The following ZNF160 variants were observed in gnomAD, a reference collection of about 807,000 sequenced individuals.
ZNF160 encodes KRAB zinc finger protein KR18.
In ZNF160, 9 loss-of-function variants were observed where a neutral mutation model predicts 13.1. That is an observed-to-expected ratio of 0.69 (90% CI 0.41 to 1.20). The LOEUF is 1.20. Among genes scored for constraint, ZNF160 ranks in the 50% most tolerant of loss-of-function variants. ZNF160 has a pLI of 0.01. For synonymous variants in ZNF160, 293 were observed against 333.2 expected (o/e 0.88, Z 1.31); for missense variants, 838 against 988.0 (o/e 0.85, Z 2.04).
At chr19:53,087,253 G>A (rs2084871514) in intron 2 of ZNF160, among the ~76,000 whole-genome samples, 1 of 152,194 alleles carries the variant, frequency 6.6e-6, no homozygotes, top group African/African-American at 2.4e-5. Context: ...GGAAGGAGAT[G>A]GCGTCTGAGA....
intron 1 of ZNF160, among the ~76,000 whole-genome samples, chr19:53,094,268 C>A (rs1378978466): frequency 2.0e-5 from 3 of 152,110 alleles, no homozygotes; most frequent in Non-Finnish European, 4.4e-5. Context: ...CTTGAAACGC[C>A]CCTGGACCTA....
At chr19:53,089,794 T>G (rs1174714720) in intron 2 of ZNF160, among the ~76,000 whole-genome samples, 2 of 151,922 alleles carry the variant, frequency 1.3e-5, no homozygotes, top group Non-Finnish European at 2.9e-5. Context: ...TGTACATATC[T>G]CATCCTCACC....
intron 3 of ZNF160, among the ~76,000 whole-genome samples, chr19:53,083,319 G>A (rs1249398802): frequency 6.6e-6 from 1 of 152,170 alleles, no homozygotes; most frequent in African/African-American, 2.4e-5. Context: ...CCATCCTGAA[G>A]CTTGTTGGAG....
intron 5 of ZNF160, among the ~76,000 whole-genome samples, 193 bp downstream of exon 5, chr19:53,073,947 G>A (rs575354037): frequency 1.2e-4 from 18 of 152,108 alleles, no homozygotes; most frequent in Admixed American, 1.0e-3. Context: ...CACCATGCCC[G>A]GCTAATTTTT....
chr19:53,101,016 C>T (rs768942355), intron 1 of ZNF160, among the ~76,000 whole-genome samples: 2 of 151,992 alleles, frequency 1.3e-5, no homozygotes, highest in African/African-American at 4.8e-5. Context: ...CGGTGGCTCA[C>T]GCCTGTAATC....
intron 2 of ZNF160, among the ~76,000 whole-genome samples, chr19:53,089,937 TACA>T (rs1350645141): frequency 6.6e-6 from 1 of 151,996 alleles, no homozygotes; most frequent in East Asian, 1.9e-4. Context: ...GCTCCATTCC[TACA>T]ACTTCTTCCA....
chr19:53,080,179 A>G (rs1600848753), intron 3 of ZNF160, among the ~76,000 whole-genome samples: 1 of 151,290 alleles, frequency 6.6e-6, no homozygotes, highest in Non-Finnish European at 1.5e-5. Flanking sequence ...GCTCACCACA[A>G]CCTCTGCCTC....
chr19:53,072,806 G>A (rs113432454), intron 5 of ZNF160: 25,771 of 333,536 alleles, frequency 0.077, 1,250 homozygotes, highest in African/African-American at 0.16. Flanking sequence ...AGCCGAGATC[G>A]CACCATTGCA....
chr19:53,091,782 T>C (rs925297343), intron 1 of ZNF160, 62 bp from the exon 2 acceptor site: 10 of 152,252 alleles, frequency 6.6e-5, no homozygotes, highest in African/African-American at 2.4e-4. Context: ...AACTAGAATG[T>C]GAAATGCAAA....
intron 2 of ZNF160, among the ~76,000 whole-genome samples, chr19:53,088,072 G>C (rs1032809068): frequency 6.6e-6 from 1 of 152,326 alleles, no homozygotes; most frequent in Admixed American, 6.5e-5. Flanking sequence ...ACTGAGCCAT[G>C]AGCACTTGCA....
chr19:53,070,986 A>G (rs1346891307), intron 5 of ZNF160, among the ~76,000 whole-genome samples: 3 of 151,932 alleles, frequency 2.0e-5, no homozygotes, highest in East Asian at 4.0e-4. Context: ...TCATGAGGTC[A>G]GGAGATTGAG....
chr19:53,074,326 A>T, intron 4 of ZNF160, 58 bp from the exon 5 acceptor site: 2 of 1,599,890 alleles, frequency 1.3e-6, no homozygotes, highest in Non-Finnish European at 1.7e-6. Context: ...TCCCAGCCCT[A>T]TGTTTACATG....
chr19:53,074,994 G>A (rs557475628), intron 4 of ZNF160, 63 bp downstream of exon 4: 6 of 1,609,762 alleles, frequency 3.7e-6, no homozygotes, highest in Admixed American at 3.3e-5. Context: ...CCAGGGACTC[G>A]TAAGGGAAAA....
intron 3 of ZNF160, 200 bp from the exon 4 acceptor site, chr19:53,075,383 G>A (rs1017387838): frequency 2.3e-5 from 14 of 597,324 alleles, no homozygotes; most frequent in Admixed American, 1.6e-4. Flanking sequence ...TCAGTGGAGT[G>A]ATAAGTATCT....
chr19:53,074,829 T>C (rs2084323919), intron 4 of ZNF160, among the ~76,000 whole-genome samples: 2 of 152,084 alleles, frequency 1.3e-5, no homozygotes, highest in African/African-American at 2.4e-5. Context: ...CACAATGTAT[T>C]ATGCATACAA....
At chr19:53,099,496 G>A (rs1485620434) in intron 1 of ZNF160, among the ~76,000 whole-genome samples, 3 of 152,204 alleles carry the variant, frequency 2.0e-5, no homozygotes, top group Admixed American at 6.5e-5. Context: ...AACACGGGAA[G>A]CCGGTGGAGG....
chr19:53,074,292 C>T (rs1256590444), intron 4 of ZNF160, 24 bp from the exon 5 acceptor site: 2 of 1,612,472 alleles, frequency 1.2e-6, no homozygotes, highest in African/African-American at 1.3e-5. Flanking sequence ...GAAAGGATCA[C>T]AATGTGCCGG....
At chr19:53,098,154 C>A (rs1378564042) in intron 1 of ZNF160, among the ~76,000 whole-genome samples, 2 of 152,182 alleles carry the variant, frequency 1.3e-5, no homozygotes, top group East Asian at 1.9e-4. Context: ...ACCCCAAAAC[C>A]CACTTCCAGG....
In ZNF160 at chr19:53,084,858, T is replaced by C. The variant is rs535688466; in HGVS notation, c.15+1404A>G. The C allele has an allele frequency of 2.6e-5, 4 of 151,976 alleles. No homozygotes were observed. The South Asian group carries it at 6.2e-4, about 24-fold the overall frequency. The allele number at this position is 151,976 out of a possible 1,614,324, so 9.4% of individuals were successfully genotyped here. On this transcript the variant is annotated intron_variant, in intron 3 of 5. Transcript: ENST00000683776. ...ATCTAGCAACACAGGAAATGTGCCA[T>C]CCTAGAAGAGATCACTCTTCCAATC...
Sources: gnomAD v4.1 joint callset for allele counts (sites outside exome capture counted in the v4.1 genomes callset) on GRCh38, gnomAD v4.1.1 for gene constraint, MANE v1.5 for transcripts, NCBI Gene and HGNC (gene_info 2026-07-23, HGNC 2026-07-21) for gene names.